The following DPP10 variants were observed in gnomAD, a reference collection of about 807,000 sequenced individuals.
DPP10 encodes inactive dipeptidyl peptidase 10.
Under a neutral mutation model 120.9 loss-of-function variants are expected in DPP10, and 33 were observed. The observed-to-expected ratio is 0.27, with a 90% CI of 0.21 to 0.37. The LOEUF (loss-of-function observed/expected upper bound fraction) is 0.37. DPP10 is among the 10% of genes least tolerant of loss of function. DPP10 has a pLI of 1.00. For synonymous variants in DPP10, 337 were observed against 326.1 expected (o/e 1.03, Z -0.36); for missense variants, 816 against 942.8 (o/e 0.87, Z 1.76).
intron 3 of DPP10, among the ~76,000 whole-genome samples, chr2:115,473,719 A>G (rs1338544465): frequency 6.6e-6 from 1 of 152,192 alleles, no homozygotes; most frequent in Non-Finnish European, 1.5e-5. Context: ...GACTACTTAG[A>G]GTTTTAGGAT....
rs759671977 is a variant in DPP10, at chr2:115,035,729, T to C, written c.61-273510T>C. Among the ~76,000 whole-genome samples the C allele has an allele frequency of 1.7e-4, 26 of 152,334 alleles. 1 individual carries two copies. In the Middle Eastern group the frequency reaches 0.02, roughly 120 times the overall value. ...TTCAGTGTCTCATTTTCCTTACCTG[T>C]AAAATGCTGAAACTACTTTATAAGG... On this transcript the variant is annotated intron_variant, in intron 1 of 25. Transcript: ENST00000410059.
chr2:115,688,621 A>G (rs1250255328), intron 5 of DPP10, among the ~76,000 whole-genome samples: 1 of 152,258 alleles, frequency 6.6e-6, no homozygotes, highest in East Asian at 1.9e-4. Context: ...TAATTTTCAC[A>G]GAAATATACT....
intron 7 of DPP10, among the ~76,000 whole-genome samples, chr2:115,704,476 G>C (rs757175311): frequency 2.6e-4 from 39 of 151,772 alleles, no homozygotes; most frequent in Non-Finnish European, 4.4e-4. Flanking sequence ...TCTCTCATTT[G>C]TTTTTCTCCT....
chr2:115,675,225 T>C (rs999697570), intron 5 of DPP10, among the ~76,000 whole-genome samples: 2 of 152,144 alleles, frequency 1.3e-5, no homozygotes, highest in Admixed American at 6.5e-5. Flanking sequence ...AATCCACACA[T>C]ATATTTTAAT....
chr2:115,734,595 G>T (rs1184449849), intron 8 of DPP10, among the ~76,000 whole-genome samples: 1 of 146,244 alleles, frequency 6.8e-6, no homozygotes. Context: ...GGCAGAGGTT[G>T]CAGTGAGCCG....
intron 5 of DPP10, among the ~76,000 whole-genome samples, chr2:115,672,680 C>CTTTCTTTCTTTCTCTCTT (rs147861157): frequency 1.8e-5 from 2 of 113,264 alleles, no homozygotes; most frequent in African/African-American, 7.2e-5. Flanking sequence ...CTCTTTCTTT[C>CTTTCTTTCTTTCTCTCTT]TCTTTCTTTC....
chr2:115,507,415 A>G (rs928247736), intron 4 of DPP10, among the ~76,000 whole-genome samples: 1 of 152,170 alleles, frequency 6.6e-6, no homozygotes, highest in Non-Finnish European at 1.5e-5. Flanking sequence ...TCAGCTAGTA[A>G]ATTTAAATCC....
intron 1 of DPP10, among the ~76,000 whole-genome samples, chr2:114,444,705 CTTAACAATGTA>C (rs1344301986): frequency 6.6e-6 from 1 of 152,156 alleles, no homozygotes; most frequent in Admixed American, 6.6e-5. Flanking sequence ...CAACCCACCA[CTTAACAATGTA>C]TTATATTAAT....
At chr2:115,590,289 G>C (rs1210324984) in intron 5 of DPP10, among the ~76,000 whole-genome samples, 1 of 151,746 alleles carries the variant, frequency 6.6e-6, no homozygotes, top group African/African-American at 2.4e-5. Context: ...TTTACATTAG[G>C]TATATCTCCT....
intron 2 of DPP10, among the ~76,000 whole-genome samples, chr2:115,330,942 G>C (rs2062688473): frequency 6.6e-6 from 1 of 152,036 alleles, no homozygotes; most frequent in African/African-American, 2.4e-5. Context: ...CTTTAAGGTA[G>C]TTTTTTCCAA....
intron 4 of DPP10, among the ~76,000 whole-genome samples, chr2:115,501,821 A>G (rs1216736949): frequency 1.3e-5 from 2 of 152,116 alleles, no homozygotes; most frequent in Non-Finnish European, 2.9e-5. Flanking sequence ...TGTTTTTAAT[A>G]CTAACGTTAG....
intron 1 of DPP10, among the ~76,000 whole-genome samples, chr2:114,956,888 T>A (rs1362586356): frequency 6.7e-6 from 1 of 149,240 alleles, no homozygotes; most frequent in African/African-American, 2.5e-5. Context: ...AAGCTGGAGA[T>A]GAAAATGAAG....
chr2:114,442,889 A>G (rs1677736401), intron 1 of DPP10, 51 bp downstream of exon 1: 2 of 1,601,742 alleles, frequency 1.2e-6, no homozygotes, highest in Non-Finnish European at 1.7e-6. Flanking sequence ...TCATTCATCT[A>G]CCTAACACAT....
At chr2:114,736,826 G>C (rs1256089145) in intron 1 of DPP10, among the ~76,000 whole-genome samples, 1 of 152,134 alleles carries the variant, frequency 6.6e-6, no homozygotes, top group Non-Finnish European at 1.5e-5. Flanking sequence ...ATGTACTCAG[G>C]CCTTAAGAGA....
At chr2:115,632,875 A>C (rs1305764047) in intron 5 of DPP10, among the ~76,000 whole-genome samples, 1 of 152,182 alleles carries the variant, frequency 6.6e-6, no homozygotes. Flanking sequence ...TCAAAACCAC[A>C]ATGAGATACC....
At chr2:114,490,319 A>T (rs747773986) in intron 1 of DPP10, among the ~76,000 whole-genome samples, 5 of 152,216 alleles carry the variant, frequency 3.3e-5, no homozygotes, top group Non-Finnish European at 7.4e-5. Context: ...TTGCCTTTAT[A>T]ACTCTGTGTA....
intron 1 of DPP10, among the ~76,000 whole-genome samples, chr2:114,466,122 T>TA (rs1239496957): frequency 6.6e-6 from 1 of 152,188 alleles, no homozygotes; most frequent in Non-Finnish European, 1.5e-5. Context: ...CAATTCTAAT[T>TA]AAAAATCCCA....
intron 1 of DPP10, among the ~76,000 whole-genome samples, chr2:114,798,174 C>T (rs772201062): frequency 1.3e-5 from 2 of 152,042 alleles, no homozygotes; most frequent in Non-Finnish European, 2.9e-5. Flanking sequence ...AGGTGGTATC[C>T]AGGATGGAGT....
At chr2:115,471,237 G>A (rs764100807) in intron 3 of DPP10, among the ~76,000 whole-genome samples, 2 of 152,142 alleles carry the variant, frequency 1.3e-5, no homozygotes, top group African/African-American at 2.4e-5. Flanking sequence ...CTACTCAAAA[G>A]CATCCTACCT....
Sources: allele counts gnomAD v4.1 joint callset (sites outside exome capture counted in the v4.1 genomes callset), GRCh38; gene constraint gnomAD v4.1.1; transcripts MANE v1.5; gene names NCBI Gene and HGNC (gene_info 2026-07-23, HGNC 2026-07-21).